Variants in CHD3 observed in about 807,000 individuals in gnomAD.
CHD3 encodes ATP-dependent chromatin remodeler CHD3.
Under a neutral mutation model 248.9 loss-of-function variants are expected in CHD3, and 52 were observed. The ratio of observed to expected loss-of-function variants is 0.21; its 90% confidence interval spans 0.17 to 0.26. CHD3 has a LOEUF of 0.26. CHD3 is among the 10% of genes least tolerant of loss of function. The probability of loss-of-function intolerance (pLI) is 1.00; values close to 1 mark genes in which losing one functional copy is unlikely to be tolerated. For missense variants in CHD3, 1,482 were observed against 2,605.8 expected, an observed-to-expected ratio of 0.57 and a Z score of 9.39; for synonymous variants, 985 against 985.2, an observed-to-expected ratio of 1.00 and a Z score of 0.00.
chr17:7,905,869 A>G lies in CHD3; in HGVS notation c.4238A>G (p.Asn1413Ser), dbSNP rs1255106821. Reference sequence around the variant, plus strand: ...TCCCACCCTCAGGTGCTGGGCTTCAACACCCGTCAGCGGAAGGCTTTCCTC... The same window carrying G: ...TCCCACCCTCAGGTGCTGGGCTTCAGCACCCGTCAGCGGAAGGCTTTCCTC... ...VGGNIEVLGF[N>S]TRQRKAFLNA... The change falls in exon 28 of 40, where the codon AAC (asparagine) becomes AGC (serine). Residue 1413 changes from asparagine (N) to serine (S), a missense_variant. Coordinates refer to ENST00000330494, the MANE Select transcript of CHD3 (RefSeq NM_001005273.3). This position sits in a 1 kb window ranked among gnomAD's most constrained non-coding sequence, Gnocchi z 5.8. 6.2e-7 allele frequency: 1 copy of G among 1,614,166 alleles called. No homozygotes were observed. The highest frequency in any genetic ancestry group is 8.5e-7 in the Non-Finnish European group (1 of 1,180,036).
In CHD3 at chr17:7,901,246, G is replaced by A; in HGVS notation, c.3123G>A (p.Glu1041=). 6.3e-7 allele frequency: 1 copy of A among 1,597,462 alleles called. No homozygotes were observed. Among genetic ancestry groups the A allele is most frequent in the Non-Finnish European group, 8.5e-7 (1 of 1,170,336 alleles). Residue 1041 remains glutamate, a splice_region_variant and synonymous_variant, in exon 20 of 40, where the codon GAG becomes GAA. Coordinates refer to ENST00000330494, the MANE Select transcript of CHD3 (RefSeq NM_001005273.3). The part of the protein sequence containing the change: ...HPYLFPVAAM[E]SPKLPSGAYE... ...CCTCCTCTCTCCTCCCTTTTCAGGA[G>A]TCCCCCAAACTCCCCAGTGGGGCTT...
chr17:7,903,425 G>A lies in CHD3; in HGVS notation c.3649G>A (p.Ala1217Thr), dbSNP rs2151604313. The A allele has an allele frequency of 6.2e-7, 1 of 1,614,194 alleles. No individual in the cohort carries two copies. The highest frequency in any genetic ancestry group is 1.3e-5 in the African/African-American group (1 of 75,038). The change falls in exon 23 of 40, where the codon GCA becomes ACA. Residue 1217 changes from alanine to threonine, a missense_variant. Transcript: ENST00000330494. The surrounding 1 kb of genome is among the most constrained non-coding windows in gnomAD (Gnocchi z 6.8). ...LVVRPGLGSK[A>T]GSMSKQELDD... is the part of the protein sequence containing the mutation. Reference sequence around the variant, plus strand: ...TGTGCGGCCTGGGCTGGGCTCCAAGGCAGGCTCCATGTCCAAGCAGGAGCT... The same window carrying A: ...TGTGCGGCCTGGGCTGGGCTCCAAGACAGGCTCCATGTCCAAGCAGGAGCT...
rs754508953 is a variant in CHD3, at chr17:7,906,102, C to T, written c.4358+113C>T. The T allele has an allele frequency of 1.4e-6, 2 of 1,443,724 alleles. No individual in the cohort carries two copies. Among genetic ancestry groups the T allele is most frequent in the African/African-American group, 1.4e-5 (1 of 71,732 alleles). The allele number at this position is 1,443,724 out of a possible 1,614,324, so 89.4% of individuals were successfully genotyped here. A position where few individuals can be genotyped will look rare whatever the true frequency, so the allele number is the denominator to read the frequency against. On this transcript the variant is annotated intron_variant, in intron 28 of 39. Transcript: ENST00000330494. This position sits in a 1 kb window ranked among gnomAD's most constrained non-coding sequence, Gnocchi z 5.0. The stretch of plus-strand genomic sequence containing the variant: ...ACCTTACTCAACTGATTATCACCCT[C>T]CCTGTCATACAATACTTCCTGGCTC...
Position 7,897,400 on chromosome 17 carries a change from C to T in CHD3, c.1919+106C>T, listed in dbSNP as rs963382558. ...CTGATTAACCAGGTAATTGATCTAA[C>T]CTTGATAACCTCTGCTGTAGCTCCA... is the stretch of plus-strand genomic sequence containing the variant. On this transcript the variant is annotated intron_variant, in intron 11 of 39. Coordinates refer to ENST00000330494, the MANE Select transcript of CHD3 (RefSeq NM_001005273.3). This position sits in a 1 kb window ranked among gnomAD's most constrained non-coding sequence, Gnocchi z 4.8. 4.1e-6 allele frequency: 4 copies of T among 964,948 alleles called. No homozygotes were observed. The highest frequency in any genetic ancestry group is 4.7e-6 in the Non-Finnish European group (3 of 633,186). 59.8% of individuals were successfully genotyped at this position (964,948 alleles called of 1,614,324 possible). A position where few individuals can be genotyped will look rare whatever the true frequency, so the allele number is the denominator to read the frequency against.
At position 7,910,652 on chromosome 17, in the gene CHD3, A is replaced by G. The variant is rs1050070611; in HGVS notation, c.5754+61A>G. Reference sequence around the variant, plus strand: ...TTTGTGTTCCTCCTGCACACATACAAACACTTCCATCAGAATCCTATACAA... The same window carrying G: ...TTTGTGTTCCTCCTGCACACATACAGACACTTCCATCAGAATCCTATACAA... On this transcript the variant is annotated intron_variant, in intron 38 of 39. Transcript: ENST00000330494. The surrounding 1 kb of genome is among the most constrained non-coding windows in gnomAD (Gnocchi z 4.7). The G allele has an allele frequency of 2.6e-6, 4 of 1,559,396 alleles. No individual in the cohort carries two copies. The highest frequency in any genetic ancestry group is 1.2e-5 in the South Asian group (1 of 85,468).
At position 7,897,437 on chromosome 17, in the gene CHD3, C is replaced by A; in HGVS notation, c.1919+143C>A. The A allele has an allele frequency of 1.3e-6, 1 of 759,848 alleles. No homozygotes were observed. Among genetic ancestry groups the A allele is most frequent in the Non-Finnish European group, 2.1e-6 (1 of 474,802 alleles). The allele number at this position is 759,848 out of a possible 1,614,324, so 47.1% of individuals were successfully genotyped here. On this transcript the variant is annotated intron_variant, in intron 11 of 39. Transcript: ENST00000330494. The surrounding 1 kb of genome is among the most constrained non-coding windows in gnomAD (Gnocchi z 4.8). The stretch of plus-strand genomic sequence containing the variant: ...CTGCTGTAGCTCCAGCCTTTCTGGC[C>A]TTGTTTCCTCCAGGGGAACGGGAGA...
At position 7,908,369 on chromosome 17, in the gene CHD3, T is replaced by C; in HGVS notation, c.5153-33T>C. The C allele has an allele frequency of 2.6e-6, 4 of 1,567,758 alleles. No individual in the cohort carries two copies. The highest frequency in any genetic ancestry group is 3.5e-6 in the Non-Finnish European group (4 of 1,144,196). On this transcript the variant is annotated intron_variant, in intron 34 of 39. Transcript: ENST00000330494. The surrounding 1 kb of genome is among the most constrained non-coding windows in gnomAD (Gnocchi z 5.8). ...GGACTGAGTGCAGTCTGCAAAACCC[T>C]GTTACCTCTTCTGTCTGCTGCCTTC...
rs769054049 is a variant in CHD3, at chr17:7,905,336, C to T, written c.4138+171C>T. The T allele has an allele frequency of 3.8e-5, 26 of 680,068 alleles. No individual in the cohort carries two copies. The highest frequency in any genetic ancestry group is 2.4e-4 in the Middle Eastern group (1 of 4,110). 42.1% of individuals were successfully genotyped at this position (680,068 alleles called of 1,614,324 possible). ...TCATAGTCTCTCTGCTAGTAAACTTCGGTGTGTGTGACCACATAGGCTAGA... is the reference window on the plus strand; with the variant it reads ...TCATAGTCTCTCTGCTAGTAAACTTTGGTGTGTGTGACCACATAGGCTAGA... On this transcript the variant is annotated intron_variant, in intron 26 of 39. Transcript: ENST00000330494. This position sits in a 1 kb window ranked among gnomAD's most constrained non-coding sequence, Gnocchi z 5.8.
chr17:7,910,789 C>T lies in CHD3; in HGVS notation c.5755-58C>T, dbSNP rs1204851271. ...GTGGCTCATAATGTCTCTCCTACAG[C>T]TTCTTTCCTCTCACAGACTATGAAC... is the stretch of plus-strand genomic sequence containing the variant. On this transcript the variant is annotated intron_variant, in intron 38 of 39. Transcript: ENST00000330494. This position sits in a 1 kb window ranked among gnomAD's most constrained non-coding sequence, Gnocchi z 4.7. The T allele has an allele frequency of 1.0e-5, 16 of 1,567,744 alleles. No homozygotes were observed. The South Asian group carries it at 1.5e-4, about 15-fold the overall frequency.
rs549924598 is a variant in CHD3, at chr17:7,896,089, G to A, written c.1707+547G>A. The stretch of plus-strand genomic sequence containing the variant: ...AAAAATACAAAAAAATTAGCTGGGC[G>A]TGGTGGCAGGCACCTGTAGTCCCAG... On this transcript the variant is annotated intron_variant, in intron 10 of 39. Transcript: ENST00000330494. Among the ~76,000 whole-genome samples the A allele has an allele frequency of 5.9e-5, 9 of 151,896 alleles. No individual in the cohort carries two copies. In the South Asian group the frequency reaches 1.0e-3, roughly 18 times the overall value.
chr17:7,901,683 G>A (rs555797727), intron 20 of CHD3, among the ~76,000 whole-genome samples: 28 of 151,980 alleles, frequency 1.8e-4, no homozygotes, highest in Middle Eastern at 3.4e-3. Context: ...GCTAATTTTT[G>A]TATTTTTAGT....
upstream of CHD3, among the ~76,000 whole-genome samples, chr17:7,886,024 T>TC (rs1417830202): frequency 1.3e-5 from 2 of 149,402 alleles, no homozygotes; most frequent in Non-Finnish European, 3.0e-5. This position sits in a 1 kb window ranked among gnomAD's most constrained non-coding sequence, Gnocchi z 4.2. Flanking sequence ...GTGGGGGGGG[T>TC]CCCCCTCTTG....
rs1253266097 is a variant in CHD3, at chr17:7,907,860, T to C, written c.5027-34T>C. On this transcript the variant is annotated intron_variant, in intron 33 of 39. Transcript: ENST00000330494. The surrounding 1 kb of genome is among the most constrained non-coding windows in gnomAD (Gnocchi z 4.3). ...CTTGGGACCTGGGAGGAGGGTGTCC[T>C]GAGGTGTGAGCTTTGACCTGTCTGT... 6.3e-7 allele frequency: 1 copy of C among 1,598,304 alleles called. No homozygotes were observed. The highest frequency in any genetic ancestry group is 1.7e-5 in the Admixed American group (1 of 58,590).
chr17:7,898,971 C>T (rs1370209042), intron 13 of CHD3, 40 bp from the exon 14 acceptor site: 7 of 1,575,456 alleles, frequency 4.4e-6, no homozygotes, highest in South Asian at 1.1e-5. Context: ...GAGGAGCCGC[C>T]GACTATTTCC....
Position 7,897,948 on chromosome 17 carries a change from C to A in CHD3, c.1920-23C>A. 1 of 1,607,826 alleles carries A rather than the reference C, an allele frequency of 6.2e-7. No individual in the cohort carries two copies. Among genetic ancestry groups the A allele is most frequent in the Non-Finnish European group, 8.5e-7 (1 of 1,177,234 alleles). On this transcript the variant is annotated intron_variant, in intron 11 of 39. Coordinates refer to ENST00000330494, the MANE Select transcript of CHD3 (RefSeq NM_001005273.3). The surrounding 1 kb of genome is among the most constrained non-coding windows in gnomAD (Gnocchi z 4.8). ...TGTGCAATATTTTCCTCCTGCTCCT[C>A]CCCATGGCCTCCTGCCCCACAGTGT...
At position 7,910,275 on chromosome 17, in the gene CHD3, C is replaced by G; in HGVS notation, c.5591-153C>G. 1.1e-6 allele frequency: 1 copy of G among 920,898 alleles called. No homozygotes were observed. The highest frequency in any genetic ancestry group is 1.7e-6 in the Non-Finnish European group (1 of 587,174). The allele number at this position is 920,898 out of a possible 1,614,324, so 57.0% of individuals were successfully genotyped here. On this transcript the variant is annotated intron_variant, in intron 37 of 39. Transcript: ENST00000330494. This position sits in a 1 kb window ranked among gnomAD's most constrained non-coding sequence, Gnocchi z 4.7. ...TTCTGTTTTCCATCTACTTCTTTTACTTTCTTGATCTCTGGTTCTTTGACA... is the reference window on the plus strand; with the variant it reads ...TTCTGTTTTCCATCTACTTCTTTTAGTTTCTTGATCTCTGGTTCTTTGACA...
At chr17:7,894,817 C>G (rs1263082657) in intron 8 of CHD3, 100 bp from the exon 9 acceptor site, 1 of 1,542,284 alleles carries the variant, frequency 6.5e-7, no homozygotes, top group Non-Finnish European at 8.7e-7. Flanking sequence ...CCAGTCTTCT[C>G]TGCACTTCTA....
Position 7,905,172 on chromosome 17 carries a change from T to G in CHD3, c.4138+7T>G. The G allele has an allele frequency of 6.2e-7, 1 of 1,613,540 alleles. No individual in the cohort carries two copies. Reference sequence around the variant, plus strand: ...TTCGATGAACGTCCTGAAGGTGGCATCTGTGTTCCTGACTCTACCTCACCT... The same window carrying G: ...TTCGATGAACGTCCTGAAGGTGGCAGCTGTGTTCCTGACTCTACCTCACCT... On this transcript the variant is annotated splice_region_variant and intron_variant, in intron 26 of 39. Transcript: ENST00000330494. The surrounding 1 kb of genome is among the most constrained non-coding windows in gnomAD (Gnocchi z 5.8).
intron 13 of CHD3, 79 bp downstream of exon 13, chr17:7,898,674 C>T (rs1969973166): frequency 9.5e-7 from 1 of 1,052,484 alleles, no homozygotes; most frequent in Non-Finnish European, 1.4e-6. Flanking sequence ...GATGGAACTT[C>T]CCAGAGATTC....
Sources: allele counts gnomAD v4.1 joint callset (sites outside exome capture counted in the v4.1 genomes callset), GRCh38; gene constraint gnomAD v4.1.1; non-coding constraint Gnocchi (gnomAD v3.1); transcripts MANE v1.5; gene names NCBI Gene and HGNC (gene_info 2026-07-23, HGNC 2026-07-21).